Variants in KALRN observed in about 807,000 individuals in gnomAD.
The protein encoded by KALRN is kalirin.
KALRN carries 70 observed loss-of-function variants against 353.7 expected under a neutral mutation model. That is an observed-to-expected ratio of 0.20 (90% confidence interval 0.16 to 0.24). The LOEUF (loss-of-function observed/expected upper bound fraction) is 0.24. Among genes scored for constraint, KALRN ranks in the 10% least tolerant of loss-of-function variants. KALRN has a pLI of 1.00. For missense variants in KALRN, 2,791 were observed against 3,756.7 expected, an observed-to-expected ratio of 0.74 and a Z score of 6.72; for synonymous variants, 1,391 against 1,434.8, an observed-to-expected ratio of 0.97 and a Z score of 0.69.
intron 34 of KALRN, among the ~76,000 whole-genome samples, chr3:124,620,701 A>G (rs2079167034): frequency 6.6e-6 from 1 of 152,210 alleles, no homozygotes; most frequent in Non-Finnish European, 1.5e-5. Flanking sequence ...GAGTCCAGTG[A>G]GTCAGCACAG....
At chr3:124,680,277 C>CAGGGATGTGGGAGTG (rs1266451211) in intron 51 of KALRN, among the ~76,000 whole-genome samples, 1 of 152,234 alleles carries the variant, frequency 6.6e-6, no homozygotes, top group Non-Finnish European at 1.5e-5. Flanking sequence ...GTGGAACCAA[C>CAGGGATGTGGGAGTG]GCCTGTATCA....
chr3:124,137,549 G>A (rs147876341), intron 1 of KALRN, among the ~76,000 whole-genome samples: 3 of 152,270 alleles, frequency 2.0e-5, no homozygotes, highest in African/African-American at 7.2e-5. Context: ...GTCCTTGTTT[G>A]CTGTTCCCTC....
intron 3 of KALRN, among the ~76,000 whole-genome samples, chr3:124,260,056 C>T (rs975184582): frequency 2.0e-5 from 3 of 152,130 alleles, no homozygotes; most frequent in African/African-American, 7.2e-5. Flanking sequence ...CCTGCCTTGC[C>T]ATATGAGGTG....
At chr3:124,702,590 G>A (rs191222672) in intron 57 of KALRN, among the ~76,000 whole-genome samples, 1 of 152,082 alleles carries the variant, frequency 6.6e-6, no homozygotes, top group African/African-American at 2.4e-5. Context: ...ATATGGTACT[G>A]ATTCCTTGGT....
At chr3:124,137,757 G>T (rs1388536776) in intron 1 of KALRN, among the ~76,000 whole-genome samples, 1 of 152,124 alleles carries the variant, frequency 6.6e-6, no homozygotes, top group Admixed American at 6.5e-5. Flanking sequence ...TTAGAAATGG[G>T]ACTACTGAGG....
intron 5 of KALRN, among the ~76,000 whole-genome samples, chr3:124,295,232 C>T (rs1444767558): frequency 6.6e-6 from 1 of 152,208 alleles, no homozygotes; most frequent in Non-Finnish European, 1.5e-5. Flanking sequence ...ATCTAATCCC[C>T]AGAGCAGGTC....
intron 21 of KALRN, among the ~76,000 whole-genome samples, chr3:124,450,497 T>C (rs2058667927): frequency 6.6e-6 from 1 of 151,900 alleles, no homozygotes; most frequent in African/African-American, 2.4e-5. Flanking sequence ...GATGGTACTT[T>C]AGACCGAGAG....
chr3:124,669,372 C>T (rs139854891), intron 47 of KALRN, among the ~76,000 whole-genome samples: 70 of 152,270 alleles, frequency 4.6e-4, no homozygotes, highest in Middle Eastern at 3.4e-3. Flanking sequence ...CCTGTAGGGA[C>T]GCACAGTTTT....
intron 1 of KALRN, among the ~76,000 whole-genome samples, chr3:124,173,186 G>A (rs965900234): frequency 6.6e-6 from 1 of 152,118 alleles, no homozygotes; most frequent in Non-Finnish European, 1.5e-5. Flanking sequence ...TATGGAGAAT[G>A]GGGTGGAATT....
At chr3:124,558,233 A>T (rs1407393115) in intron 33 of KALRN, among the ~76,000 whole-genome samples, 1 of 151,884 alleles carries the variant, frequency 6.6e-6, no homozygotes, top group Non-Finnish European at 1.5e-5. Flanking sequence ...TTTCTTCTGT[A>T]CTCCTTTCCT....
intron 5 of KALRN, among the ~76,000 whole-genome samples, chr3:124,270,096 C>G (rs565653920): frequency 4.6e-5 from 7 of 152,180 alleles, no homozygotes; most frequent in Non-Finnish European, 8.8e-5. Context: ...TTCCTAGATT[C>G]TCTTTAAGCT....
At chr3:124,470,868 T>G (rs2060820232) in intron 25 of KALRN, among the ~76,000 whole-genome samples, 1 of 152,246 alleles carries the variant, frequency 6.6e-6, no homozygotes, top group South Asian at 2.1e-4. Context: ...CAGAGGTTTA[T>G]AGTGTAACTC....
chr3:124,664,374 C>CGCGCGCACGT lies in KALRN; in HGVS notation c.6346-2069_6346-2068insACGTGCGCGC, dbSNP rs2085325603. ...GTGTGTGTGTGTGTGTGTGTGTGCG[C>CGCGCGCACGT]GCGCGCGCATATAAGGGCACCCACA... On this transcript the variant is annotated intron_variant, in intron 45 of 59. Coordinates refer to ENST00000682506, the MANE Select transcript of KALRN (RefSeq NM_001388419.1). 4.4e-5 allele frequency among the ~76,000 whole-genome samples: 6 copies of CGCGCGCACGT among 137,622 alleles called. No individual in the cohort carries two copies. The South Asian group carries it at 1.3e-3, about 30-fold the overall frequency. 90.3% of individuals were successfully genotyped at this position (137,622 alleles called of 152,430 possible). A position where few individuals can be genotyped will look rare whatever the true frequency, so the allele number is the denominator to read the frequency against.
At chr3:124,572,893 C>T (rs1030795411) in intron 34 of KALRN, among the ~76,000 whole-genome samples, 3 of 151,726 alleles carry the variant, frequency 2.0e-5, no homozygotes, top group African/African-American at 4.9e-5. Context: ...TTTAAAAAGC[C>T]GGGCATGGTG....
At chr3:124,615,008 ATAGT>A (rs1400947208) in intron 34 of KALRN, among the ~76,000 whole-genome samples, 1 of 152,232 alleles carries the variant, frequency 6.6e-6, no homozygotes, top group Non-Finnish European at 1.5e-5. Flanking sequence ...AACATTACTT[ATAGT>A]TAATTTGTCA....
intron 45 of KALRN, among the ~76,000 whole-genome samples, chr3:124,664,491 A>T (rs1178495165): frequency 6.7e-6 from 1 of 149,486 alleles, no homozygotes; most frequent in East Asian, 2.0e-4. Context: ...GCTCACTGCA[A>T]CCTCCGCCTC....
Position 124,038,019 on chromosome 3 carries a change from G to C in KALRN, c.73+4206G>C, listed in dbSNP as rs78155804. Among the ~76,000 whole-genome samples the C allele has an allele frequency of 2.9e-3, 439 of 152,286 alleles. 1 individual carries two copies. Among genetic ancestry groups the C allele is most frequent in the African/African-American group, 0.01 (421 of 41,552 alleles). On this transcript the variant is annotated intron_variant, in intron 1 of 59. Coordinates refer to ENST00000682506, the MANE Select transcript of KALRN (RefSeq NM_001388419.1). The stretch of plus-strand genomic sequence containing the variant: ...GCATGGGCTGGAGGCTAGGGCTGTT[G>C]ATGTTGATTTGGAAGGTTGGATGCA...
In KALRN at chr3:124,596,488, AC is replaced by A. The variant is rs1185247660; in HGVS notation, c.5182+33403del. 4.4e-4 allele frequency among the ~76,000 whole-genome samples: 67 copies of A among 152,134 alleles called. No individual in the cohort carries two copies. In the South Asian group the frequency reaches 0.014, roughly 31 times the overall value. ...GTCTTAAAAACAAACAAACAAAAAA[AC>A]CCCACAATAGCTCCAAATATCATAT... On this transcript the variant is annotated intron_variant, in intron 34 of 59. Coordinates refer to ENST00000682506, the MANE Select transcript of KALRN (RefSeq NM_001388419.1).
intron 23 of KALRN, among the ~76,000 whole-genome samples, chr3:124,458,659 G>A (rs2059568551): frequency 1.3e-5 from 2 of 152,156 alleles, no homozygotes; most frequent in Non-Finnish European, 2.9e-5. Context: ...AGTCAGGCAG[G>A]GCACAGTGGC....
Sources: allele counts gnomAD v4.1 joint callset (sites outside exome capture counted in the v4.1 genomes callset), GRCh38; gene constraint gnomAD v4.1.1; transcripts MANE v1.5; gene names NCBI Gene and HGNC (gene_info 2026-07-23, HGNC 2026-07-21).